PRKD1: variants seen among roughly 807,000 people sequenced by gnomAD.
The protein encoded by PRKD1 is serine/threonine-protein kinase D1.
Under a neutral mutation model 95.9 loss-of-function variants are expected in PRKD1, and 63 were observed. The observed-to-expected ratio is 0.66, with a 90% CI of 0.54 to 0.81. The LOEUF (loss-of-function observed/expected upper bound fraction) is 0.81. Among genes scored for constraint, PRKD1 ranks in the 30% least tolerant of loss-of-function variants. PRKD1 has a pLI of 0.00. For missense variants in PRKD1, 1,048 were observed against 1,165.3 expected, an observed-to-expected ratio of 0.90 and a Z score of 1.47; for synonymous variants, 425 against 423.1, an observed-to-expected ratio of 1.00 and a Z score of -0.05.
In PRKD1 at chr14:29,759,405, A is replaced by G. The variant is rs890339440; in HGVS notation, c.265-33731T>C. 5.3e-5 allele frequency among the ~76,000 whole-genome samples: 8 copies of G among 152,214 alleles called. No homozygotes were observed. In the South Asian group the frequency reaches 1.7e-3, roughly 32 times the overall value. On this transcript the variant is annotated intron_variant, in intron 1 of 17. Transcript: ENST00000331968. Reference sequence around the variant, plus strand: ...ACAGCAATCTTTCTATTAGTGTGAAAGTAAGCTCACTCATTAAACTGGCCA... The same window carrying G: ...ACAGCAATCTTTCTATTAGTGTGAAGGTAAGCTCACTCATTAAACTGGCCA...
intron 13 of PRKD1, among the ~76,000 whole-genome samples, chr14:29,605,368 C>T (rs1337378248): frequency 6.6e-6 from 1 of 152,140 alleles, no homozygotes; most frequent in African/African-American, 2.4e-5. Context: ...ATTTCTCCAG[C>T]TTTGTCTCTT....
intron 1 of PRKD1, among the ~76,000 whole-genome samples, chr14:29,898,319 T>C (rs1012047990): frequency 6.6e-6 from 1 of 152,126 alleles, no homozygotes; most frequent in Non-Finnish European, 1.5e-5. Context: ...ATACTTTTTT[T>C]AAAGAATTTT....
At chr14:29,602,425 CTCT>C (rs1237190880) in intron 13 of PRKD1, among the ~76,000 whole-genome samples, 1 of 132,826 alleles carries the variant, frequency 7.5e-6, no homozygotes, top group African/African-American at 3.2e-5. Context: ...ACCTGTATTC[CTCT>C]TTTTTTTTTT....
chr14:29,921,465 A>C (rs1341338456), intron 1 of PRKD1, among the ~76,000 whole-genome samples: 1 of 152,126 alleles, frequency 6.6e-6, no homozygotes, highest in Non-Finnish European at 1.5e-5. Context: ...GCTTTAGTAA[A>C]CAACAGCATT....
At chr14:29,669,530 T>C (rs1302264878) in intron 2 of PRKD1, among the ~76,000 whole-genome samples, 1 of 152,214 alleles carries the variant, frequency 6.6e-6, no homozygotes, top group East Asian at 1.9e-4. Context: ...ATACTTGCTA[T>C]TTTTAAGGTA....
intron 13 of PRKD1, among the ~76,000 whole-genome samples, chr14:29,614,991 C>A (rs996448483): frequency 1.3e-5 from 2 of 151,482 alleles, no homozygotes; most frequent in Non-Finnish European, 2.9e-5. Context: ...GGATTACAGG[C>A]CCGAGCCACT....
chr14:29,884,516 A>G (rs556950760), intron 1 of PRKD1, among the ~76,000 whole-genome samples: 2 of 152,344 alleles, frequency 1.3e-5, no homozygotes, highest in Admixed American at 1.3e-4. Flanking sequence ...TAAAAATAAC[A>G]AAGATGATTT....
chr14:29,809,488 G>C (rs1890389645), intron 1 of PRKD1, among the ~76,000 whole-genome samples: 2 of 152,210 alleles, frequency 1.3e-5, no homozygotes, highest in Non-Finnish European at 2.9e-5. Flanking sequence ...CTTCATCAAT[G>C]ATCTTAGCTA....
chr14:29,676,624 A>G (rs917198190), intron 2 of PRKD1, among the ~76,000 whole-genome samples: 2 of 152,170 alleles, frequency 1.3e-5, no homozygotes, highest in African/African-American at 4.8e-5. Flanking sequence ...AAGTGCTGGG[A>G]TTATAGGCAT....
At chr14:29,604,748 T>TA (rs1313762415) in intron 13 of PRKD1, among the ~76,000 whole-genome samples, 9 of 152,160 alleles carry the variant, frequency 5.9e-5, no homozygotes, top group African/African-American at 2.2e-4. Context: ...ACTTACCTGA[T>TA]AGAGAATAAA....
At chr14:29,630,644 T>C (rs1879936472) in intron 10 of PRKD1, 98 bp downstream of exon 10, 1 of 1,486,822 alleles carries the variant, frequency 6.7e-7, no homozygotes, top group Non-Finnish European at 9.2e-7. Flanking sequence ...AAGAAGTCTT[T>C]CTTCATTCTG....
chr14:29,676,149 A>G (rs187417299), intron 2 of PRKD1, among the ~76,000 whole-genome samples: 3 of 139,572 alleles, frequency 2.1e-5, no homozygotes, highest in African/African-American at 5.6e-5. Flanking sequence ...AGTCATCTAC[A>G]TTGCTGTAGG....
At chr14:29,637,521 A>G (rs1315132418) in intron 6 of PRKD1, among the ~76,000 whole-genome samples, 1 of 152,200 alleles carries the variant, frequency 6.6e-6, no homozygotes, top group East Asian at 1.9e-4. Context: ...AACAACATCA[A>G]AAACTGTTCT....
At chr14:29,919,609 G>T (rs1832843285) in intron 1 of PRKD1, among the ~76,000 whole-genome samples, 1 of 152,142 alleles carries the variant, frequency 6.6e-6, no homozygotes, top group South Asian at 2.1e-4. Context: ...ATTAAAAAAT[G>T]TTTTGAATAG....
intron 4 of PRKD1, among the ~76,000 whole-genome samples, chr14:29,654,665 T>A (rs1033965844): frequency 1.3e-5 from 2 of 152,196 alleles, no homozygotes; most frequent in Non-Finnish European, 2.9e-5. Context: ...CTTGTCGGTA[T>A]ATGGTTTACC....
At chr14:29,708,264 G>A (rs1459557115) in intron 2 of PRKD1, among the ~76,000 whole-genome samples, 1 of 152,060 alleles carries the variant, frequency 6.6e-6, no homozygotes, top group African/African-American at 2.4e-5. Context: ...TTAGGGCATT[G>A]ACTATTTAAA....
intron 1 of PRKD1, among the ~76,000 whole-genome samples, chr14:29,750,700 G>A (rs1286173702): frequency 2.0e-5 from 3 of 152,032 alleles, no homozygotes; most frequent in African/African-American, 7.2e-5. Flanking sequence ...ACATCTTTGG[G>A]ATGTGGGAGG....
At chr14:29,880,270 G>A (rs562536206) in intron 1 of PRKD1, among the ~76,000 whole-genome samples, 1 of 152,278 alleles carries the variant, frequency 6.6e-6, no homozygotes, top group Non-Finnish European at 1.5e-5. Flanking sequence ...TTGGTGCCTT[G>A]TGTCCCAGCC....
At chr14:29,909,025 G>A (rs541575119) in intron 1 of PRKD1, among the ~76,000 whole-genome samples, 18 of 152,314 alleles carry the variant, frequency 1.2e-4, no homozygotes, top group Non-Finnish European at 1.6e-4. Context: ...CCAGGGCTGC[G>A]AGTGGCGCTC....
Sources: gnomAD v4.1 joint callset for allele counts (sites outside exome capture counted in the v4.1 genomes callset) on GRCh38, gnomAD v4.1.1 for gene constraint, MANE v1.5 for transcripts, NCBI Gene and HGNC (gene_info 2026-07-23, HGNC 2026-07-21) for gene names.